The following MB variants were observed in gnomAD, a reference collection of about 807,000 sequenced individuals.
MB encodes nitrite reductase MB.
Under a neutral mutation model 14.5 loss-of-function variants are expected in MB, and 10 were observed. The observed-to-expected ratio is 0.69, with a 90% CI of 0.43 to 1.17. The LOEUF (loss-of-function observed/expected upper bound fraction) is 1.17. MB is among the 50% of genes most tolerant of loss of function. MB has a pLI of 0.00. For synonymous variants in MB, 89 were observed against 78.6 expected (o/e 1.13, Z -0.70); for missense variants, 169 against 192.7 (o/e 0.88, Z 0.73).
At chr22:35,615,380 G>A (rs1352794984) in intron 1 of MB, among the ~76,000 whole-genome samples, 1 of 152,144 alleles carries the variant, frequency 6.6e-6, no homozygotes, top group Non-Finnish European at 1.5e-5. Flanking sequence ...CCAGGCCTCT[G>A]GGACCTTTCA....
intron 2 of MB, 58 bp from the exon 3 acceptor site, chr22:35,607,501 A>T (rs1368246900): frequency 1.5e-5 from 24 of 1,557,194 alleles, no homozygotes; most frequent in Non-Finnish European, 2.0e-5. Context: ...CAGGGGCCAG[A>T]TGGGAGTCAG....
intron 1 of MB, among the ~76,000 whole-genome samples, chr22:35,616,393 A>G (rs1191364933): frequency 6.6e-6 from 1 of 152,186 alleles, no homozygotes; most frequent in East Asian, 1.9e-4. Flanking sequence ...CTTGCAGACC[A>G]CATCATTCAG....
At chr22:35,609,223 G>A (rs1205886455) in intron 2 of MB, among the ~76,000 whole-genome samples, 1 of 152,168 alleles carries the variant, frequency 6.6e-6, no homozygotes, top group Admixed American at 6.5e-5. Flanking sequence ...GAGACCGCTG[G>A]GCAAAGAGAC....
At chr22:35,614,173 A>G (rs1922880148) in intron 1 of MB, among the ~76,000 whole-genome samples, 1 of 152,182 alleles carries the variant, frequency 6.6e-6, no homozygotes, top group Admixed American at 6.5e-5. Flanking sequence ...CTCACATGGA[A>G]CATGGAGCAC....
At chr22:35,616,476 A>G (rs1021061870) in intron 1 of MB, among the ~76,000 whole-genome samples, 2 of 152,218 alleles carry the variant, frequency 1.3e-5, no homozygotes, top group Non-Finnish European at 2.9e-5. Context: ...TCTAATTGCA[A>G]TGCTTTGAAA....
upstream of MB, among the ~76,000 whole-genome samples, chr22:35,620,911 C>G (rs1168883764): frequency 6.6e-6 from 1 of 152,204 alleles, no homozygotes. Flanking sequence ...GCTTGGCAAG[C>G]GCCCCCATTA....
chr22:35,610,831 C>T lies in MB; in HGVS notation c.318+53G>A, dbSNP rs545389479. ...TTGGACTCGAACCCAGATCCCATTG[C>T]CCCACCCGAGGCCTTCCCCGCATCC... On this transcript the variant is annotated intron_variant, in intron 2 of 2. Coordinates refer to ENST00000397326, the MANE Select transcript of MB (RefSeq NM_005368.3). The T allele has an allele frequency of 3.3e-5, 48 of 1,450,930 alleles. No homozygotes were observed. In the African/African-American group the frequency reaches 4.7e-4, roughly 14 times the overall value. The allele number at this position is 1,450,930 out of a possible 1,614,324, so 89.9% of individuals were successfully genotyped here.
At position 35,607,281 on chromosome 22, in the gene MB, T is replaced by C. The variant is rs754628219; in HGVS notation, c.*16A>G. Reference sequence around the variant, plus strand: ...AACCCGGGGCCCAGATGGGTGGGGGTGGGAGCGGCAGGGGCCTAGCCCTGG... The same window carrying C: ...AACCCGGGGCCCAGATGGGTGGGGGCGGGAGCGGCAGGGGCCTAGCCCTGG... On this transcript the variant is annotated 3_prime_UTR_variant, in exon 3 of 3. Transcript: ENST00000397326. 6.2e-7 allele frequency: 1 copy of C among 1,603,608 alleles called. No homozygotes were observed. The highest frequency in any genetic ancestry group is 1.3e-5 in the African/African-American group (1 of 74,636).
intron 1 of MB, among the ~76,000 whole-genome samples, chr22:35,616,880 C>T (rs1332563516): frequency 2.0e-5 from 3 of 152,182 alleles, no homozygotes; most frequent in Non-Finnish European, 2.9e-5. Flanking sequence ...CTTGTTAACT[C>T]TGACTGTCTA....
chr22:35,608,599 C>G lies in MB; in HGVS notation c.319-1156G>C, dbSNP rs949214939. Among the ~76,000 whole-genome samples, 4 of 152,226 alleles carry G rather than the reference C, an allele frequency of 2.6e-5. No individual in the cohort carries two copies. The highest frequency in any genetic ancestry group is 5.9e-5 in the Non-Finnish European group (4 of 68,040). ...CTTGGGCATCAAGGTGGATGCTTGA[C>G]TTCACCTTCCATTTCATGAATGCCA... On this transcript the variant is annotated intron_variant, in intron 2 of 2. Transcript: ENST00000397326. This position sits in a 1 kb window ranked among gnomAD's most constrained non-coding sequence, Gnocchi z 4.3.
At chr22:35,610,804 G>A in intron 2 of MB, 80 bp downstream of exon 2, 7 of 1,111,186 alleles carry the variant, frequency 6.3e-6, no homozygotes, top group South Asian at 1.4e-5. Context: ...TAGTGGCTGA[G>A]CTTGGACTCG....
intron 1 of MB, among the ~76,000 whole-genome samples, chr22:35,611,460 T>C (rs1922624333): frequency 6.6e-6 from 1 of 152,136 alleles, no homozygotes; most frequent in African/African-American, 2.4e-5. Context: ...GAGGTCTGAG[T>C]GACCAAAACA....
Position 35,617,172 on chromosome 22 carries a change from A to C in MB, c.86T>G (p.Val29Gly). Residue 29 changes from valine (V) to glycine (G), a missense_variant, in exon 1 of 3, where the codon GTC becomes GGC. By Grantham distance (109) the Val-to-Gly change is moderately radical. Transcript: ENST00000397326. The part of the protein sequence containing the change: ...EADIPGHGQE[V>G]LIRLFKGHPE... ...AATCTCTTCCTTTTACCTGATGAGGACTTCCTGCCCATGGCCTGGGATGTC... is the reference window on the plus strand; with the variant it reads ...AATCTCTTCCTTTTACCTGATGAGGCCTTCCTGCCCATGGCCTGGGATGTC... 6.2e-7 allele frequency: 1 copy of C among 1,613,220 alleles called. No homozygotes were observed. The highest frequency in any genetic ancestry group is 8.5e-7 in the Non-Finnish European group (1 of 1,179,212).
At chr22:35,611,620 G>T (rs1922636582) in intron 1 of MB, among the ~76,000 whole-genome samples, 1 of 152,172 alleles carries the variant, frequency 6.6e-6, no homozygotes, top group African/African-American at 2.4e-5. Flanking sequence ...GAAACCTCTT[G>T]CTTGTTTTGA....
upstream of MB, among the ~76,000 whole-genome samples, chr22:35,620,388 T>C (rs765455163): frequency 5.3e-5 from 8 of 152,166 alleles, no homozygotes; most frequent in Non-Finnish European, 1.0e-4. Context: ...ATTCAGTCAG[T>C]CAGTCATCTG....
intron 1 of MB, 127 bp from the exon 2 acceptor site, chr22:35,611,233 C>T: frequency 4.5e-6 from 3 of 659,812 alleles, no homozygotes; most frequent in African/African-American, 3.6e-5. Flanking sequence ...TTCACTTCAC[C>T]TCTCTGTGCC....
chr22:35,607,128 C>A lies in MB; in HGVS notation c.*169G>T. 2 of 666,138 alleles carry A rather than the reference C, an allele frequency of 3.0e-6. No homozygotes were observed. The allele number at this position is 666,138 out of a possible 1,614,324, so 41.3% of individuals were successfully genotyped here. On this transcript the variant is annotated 3_prime_UTR_variant, in exon 3 of 3. Coordinates refer to ENST00000397326, the MANE Select transcript of MB (RefSeq NM_005368.3). ...TCCCACAGGGAGGCGCATCGCTGGG[C>A]ATGCAAAGCCAACTTCAACACCCCA...
chr22:35,610,865 GCCCA>G lies in MB; in HGVS notation c.318+15_318+18del. 1 of 1,464,042 alleles carries G rather than the reference GCCCA, an allele frequency of 6.8e-7. No individual in the cohort carries two copies. The highest frequency in any genetic ancestry group is 9.0e-7 in the Non-Finnish European group (1 of 1,112,380). 90.7% of individuals were successfully genotyped at this position (1,464,042 alleles called of 1,614,324 possible). The stretch of plus-strand genomic sequence containing the variant: ...AGGCCTTCCCCGCATCCTCCCACCT[GCCCA>G]GGCTCTGCTCCTACCTCCAGGTACT... On this transcript the variant is annotated intron_variant, in intron 2 of 2. Transcript: ENST00000397326.
chr22:35,614,856 C>G (rs529728940), intron 1 of MB, among the ~76,000 whole-genome samples: 127 of 152,246 alleles, frequency 8.3e-4, no homozygotes, highest in African/African-American at 2.9e-3. Context: ...GAAGTAGTGA[C>G]CACCACTGGT....
Sources: gnomAD v4.1 joint callset for allele counts (sites outside exome capture counted in the v4.1 genomes callset) on GRCh38, gnomAD v4.1.1 for gene constraint, Gnocchi (gnomAD v3.1) non-coding constraint, MANE v1.5 for transcripts, NCBI Gene and HGNC (gene_info 2026-07-23, HGNC 2026-07-21) for gene names.